The following HECTD2 variants were observed in gnomAD, a reference collection of about 807,000 sequenced individuals.
HECTD2 encodes the protein HECT domain E3 ubiquitin protein ligase 2.
In HECTD2, 35 loss-of-function variants were observed where a neutral mutation model predicts 103.2. That is an observed-to-expected ratio of 0.34 (90% CI 0.26 to 0.45). The LOEUF (loss-of-function observed/expected upper bound fraction) is 0.45, where lower values mean the gene tolerates loss of function less well. HECTD2 is among the 20% of genes least tolerant of loss of function. HECTD2 has a pLI of 1.00. For synonymous variants in HECTD2, 281 were observed against 329.9 expected (o/e 0.85, Z 1.61); for missense variants, 596 against 937.4 (o/e 0.64, Z 4.76).
chr10:91,422,555 T>C (rs558546601), intron 1 of HECTD2, among the ~76,000 whole-genome samples: 11 of 152,198 alleles, frequency 7.2e-5, no homozygotes, highest in Non-Finnish European at 1.3e-4. Context: ...CAGTCATTAA[T>C]AAAATTCTTA....
chr10:91,429,942 GT>G (rs2076001413), intron 2 of HECTD2, among the ~76,000 whole-genome samples: 1 of 152,036 alleles, frequency 6.6e-6, no homozygotes, highest in South Asian at 2.1e-4. Context: ...GTTTGCTCTT[GT>G]TTTTCTAGTT....
chr10:91,449,807 A>G (rs370665862), intron 2 of HECTD2, among the ~76,000 whole-genome samples: 1 of 151,538 alleles, frequency 6.6e-6, no homozygotes, highest in African/African-American at 2.4e-5. Flanking sequence ...ATACCTAGCA[A>G]TACAACTTAC....
At chr10:91,430,850 G>C (rs189725166) in intron 2 of HECTD2, among the ~76,000 whole-genome samples, 3,585 of 150,120 alleles carry the variant, frequency 0.024, 195 homozygotes, top group African/African-American at 0.085. Context: ...CAGTCTGTGT[G>C]TTTTAATTGG....
intron 2 of HECTD2, among the ~76,000 whole-genome samples, chr10:91,457,278 C>T (rs541333637): frequency 1.3e-5 from 2 of 151,806 alleles, no homozygotes; most frequent in African/African-American, 2.4e-5. Flanking sequence ...AGAAAATAGA[C>T]GAAAAGGGAA....
intron 6 of HECTD2, among the ~76,000 whole-genome samples, chr10:91,479,734 A>C (rs1011407561): frequency 1.8e-4 from 28 of 152,176 alleles, no homozygotes; most frequent in Non-Finnish European, 3.7e-4. Context: ...AAGACAATAC[A>C]TTTTGTCAGA....
Position 91,475,277 on chromosome 10 carries a change from T to C in HECTD2, c.601-2924T>C, listed in dbSNP as rs373263073. On this transcript the variant is annotated intron_variant, in intron 5 of 20. Transcript: ENST00000298068. ...GCAATTTTGGCAATGAAAATAGAAATGTTCAGACTCATATATTATGGAGTA... is the reference window on the plus strand; with the variant it reads ...GCAATTTTGGCAATGAAAATAGAAACGTTCAGACTCATATATTATGGAGTA... 2.6e-5 allele frequency among the ~76,000 whole-genome samples: 4 copies of C among 152,318 alleles called. No homozygotes were observed. The East Asian group carries it at 5.8e-4, about 22-fold the overall frequency.
At chr10:91,416,132 TAACA>T (rs1410995624) in intron 1 of HECTD2, among the ~76,000 whole-genome samples, 1 of 152,120 alleles carries the variant, frequency 6.6e-6, no homozygotes, top group Non-Finnish European at 1.5e-5. Context: ...TAACTATATT[TAACA>T]ATTGGAGAAA....
At chr10:91,427,652 A>G (rs1243079325) in intron 2 of HECTD2, among the ~76,000 whole-genome samples, 1 of 152,124 alleles carries the variant, frequency 6.6e-6, no homozygotes, top group Non-Finnish European at 1.5e-5. Context: ...TCTTCTTTTG[A>G]GAAGTGTCTG....
At chr10:91,417,209 C>T (rs897872465) in intron 1 of HECTD2, among the ~76,000 whole-genome samples, 1 of 151,970 alleles carries the variant, frequency 6.6e-6, no homozygotes, top group Non-Finnish European at 1.5e-5. Context: ...AAATGTTATA[C>T]TGGTGAGCTA....
chr10:91,421,435 A>T (rs1182910608), intron 1 of HECTD2, among the ~76,000 whole-genome samples: 1 of 152,150 alleles, frequency 6.6e-6, no homozygotes, highest in African/African-American at 2.4e-5. Context: ...CCTGGGCCAC[A>T]TTGGAAGAAT....
intron 20 of HECTD2, among the ~76,000 whole-genome samples, chr10:91,507,526 T>A (rs1450446500): frequency 6.6e-6 from 1 of 152,166 alleles, no homozygotes; most frequent in African/African-American, 2.4e-5. Context: ...TCACAACTGC[T>A]TCAAAGAGAA....
chr10:91,512,520 T>A lies in HECTD2; in HGVS notation c.*136T>A. 1 of 835,848 alleles carries A rather than the reference T, an allele frequency of 1.2e-6. No homozygotes were observed. The highest frequency in any genetic ancestry group is 1.8e-6 in the Non-Finnish European group (1 of 552,878). 51.8% of individuals were successfully genotyped at this position (835,848 alleles called of 1,614,324 possible). Reference sequence around the variant, plus strand: ...TTTAAAATATTAAGTTTTTAAAAAATCAAATATGAAGTATGTTCAGCAAAG... The same window carrying A: ...TTTAAAATATTAAGTTTTTAAAAAAACAAATATGAAGTATGTTCAGCAAAG... On this transcript the variant is annotated 3_prime_UTR_variant, in exon 21 of 21. Transcript: ENST00000298068.
Position 91,512,665 on chromosome 10 carries a change from T to C in HECTD2, c.*281T>C. On this transcript the variant is annotated 3_prime_UTR_variant, in exon 21 of 21. Transcript: ENST00000298068. The stretch of plus-strand genomic sequence containing the variant: ...ACTTTATCATTCTCCACAAGTAGTT[T>C]GTCACAGGCATTCCACTGGGAAAGC... 3.3e-6 allele frequency: 1 copy of C among 304,254 alleles called. No homozygotes were observed. The highest frequency in any genetic ancestry group is 7.3e-5 in the South Asian group (1 of 13,776). 18.8% of individuals were successfully genotyped at this position (304,254 alleles called of 1,614,324 possible). A position where few individuals can be genotyped will look rare whatever the true frequency, so the allele number is the denominator to read the frequency against.
intron 5 of HECTD2, among the ~76,000 whole-genome samples, chr10:91,470,206 C>T (rs1389070907): frequency 2.2e-4 from 33 of 152,124 alleles, no homozygotes; most frequent in Admixed American, 2.2e-3. Context: ...TGTCATTTGA[C>T]CAAATGGACC....
intron 20 of HECTD2, among the ~76,000 whole-genome samples, chr10:91,509,797 G>A (rs1310469703): frequency 6.6e-6 from 1 of 152,056 alleles, no homozygotes; most frequent in Admixed American, 6.6e-5. Context: ...TGGGAGGAGG[G>A]TAAAGATAAA....
intron 4 of HECTD2, 133 bp downstream of exon 4, chr10:91,461,489 C>T (rs1845346906): frequency 2.3e-6 from 1 of 428,070 alleles, no homozygotes; most frequent in African/African-American, 2.1e-5. Flanking sequence ...AGAAATTATA[C>T]AATACATACA....
At chr10:91,476,233 A>C (rs1845896649) in intron 5 of HECTD2, among the ~76,000 whole-genome samples, 1 of 152,158 alleles carries the variant, frequency 6.6e-6, no homozygotes, top group Non-Finnish European at 1.5e-5. Context: ...GACTCAAATG[A>C]AGGGATTGAC....
At chr10:91,494,266 G>A (rs1846583475) in intron 14 of HECTD2, among the ~76,000 whole-genome samples, 1 of 152,042 alleles carries the variant, frequency 6.6e-6, no homozygotes, top group South Asian at 2.1e-4. Context: ...AAGTACTAAG[G>A]AGTTCTGAGA....
At chr10:91,437,642 T>G (rs557618252) in intron 2 of HECTD2, among the ~76,000 whole-genome samples, 9 of 149,432 alleles carry the variant, frequency 6.0e-5, no homozygotes, top group East Asian at 5.9e-4. Context: ...TTTTTTTGGT[T>G]GTTTTGTTTT....
Sources: allele counts gnomAD v4.1 joint callset (sites outside exome capture counted in the v4.1 genomes callset), GRCh38; gene constraint gnomAD v4.1.1; transcripts MANE v1.5; gene names NCBI Gene and HGNC (gene_info 2026-07-23, HGNC 2026-07-21).